PHF10: variants seen among roughly 807,000 people sequenced by gnomAD.
PHF10 encodes the protein PHD finger protein 10, also known as BRG1-associated factor 45a.
Under a neutral mutation model 68.5 loss-of-function variants are expected in PHF10, and 51 were observed. The observed-to-expected ratio is 0.74, with a 90% CI of 0.59 to 0.94. PHF10 has a LOEUF of 0.94. Among genes scored for constraint, PHF10 ranks in the 40% least tolerant of loss-of-function variants. The pLI, the probability that PHF10 is intolerant of heterozygous loss-of-function variation, is 0.00. For missense variants in PHF10, 460 were observed against 602.6 expected (o/e 0.76, Z 2.48); for synonymous variants, 204 against 203.5 (o/e 1.00, Z -0.02).
rs73039200 is a variant in PHF10, at chr6:169,710,055, T to A, written c.1113+181A>T. On this transcript the variant is annotated intron_variant, in intron 9 of 11. Coordinates refer to ENST00000339209, the MANE Select transcript of PHF10 (RefSeq NM_018288.4). ...ACAGAAGGTAAACCATAGCCAAAAG[T>A]GACAGAAAAGCCACCAAGGAAATAA... is the stretch of plus-strand genomic sequence containing the variant. 2,911 of 471,202 alleles carry A rather than the reference T, an allele frequency of 6.2e-3. 17 individuals are homozygous for A. The highest frequency in any genetic ancestry group is 6.6e-3 in the Non-Finnish European group (1,739 of 261,894). 29.2% of individuals were successfully genotyped at this position (471,202 alleles called of 1,614,324 possible). A position where few individuals can be genotyped will look rare whatever the true frequency, so the allele number is the denominator to read the frequency against.
At chr6:169,721,285 T>C (rs542966635) in intron 1 of PHF10, among the ~76,000 whole-genome samples, 174 bp from the exon 2 acceptor site, 1 of 152,352 alleles carries the variant, frequency 6.6e-6, no homozygotes, top group Admixed American at 6.5e-5. Flanking sequence ...AATTTAAAAC[T>C]GATCTTCAAT....
chr6:169,719,817 T>TA, intron 2 of PHF10, among the ~76,000 whole-genome samples: 1 of 151,682 alleles, frequency 6.6e-6, no homozygotes, highest in East Asian at 1.9e-4. Flanking sequence ...AAAGAAAAAA[T>TA]AGATGAAAAA....
At chr6:169,712,268 A>G in intron 8 of PHF10, 118 bp downstream of exon 8, 1 of 901,932 alleles carries the variant, frequency 1.1e-6, no homozygotes. Flanking sequence ...ATTGATGAAT[A>G]CTTTCTGGAA....
At position 169,724,081 on chromosome 6, in the gene PHF10, C is replaced by T. The variant is rs1238633930; in HGVS notation, c.-150G>A. The T allele has an allele frequency of 7.0e-5, 10 of 143,808 alleles. No homozygotes were observed. Among genetic ancestry groups the T allele is most frequent in the Admixed American group, 2.1e-4 (3 of 14,610 alleles). 8.9% of individuals were successfully genotyped at this position (143,808 alleles called of 1,614,324 possible). A position where few individuals can be genotyped will look rare whatever the true frequency, so the allele number is the denominator to read the frequency against. On this transcript the variant is annotated 5_prime_UTR_variant, in exon 1 of 12. Transcript: ENST00000339209. The stretch of plus-strand genomic sequence containing the variant: ...TCCGCCCGCCCGCCCGGGGGCCGGC[C>T]CCTGCCGCCGCGCGCCCCGCGGCCC...
Position 169,705,326 on chromosome 6 carries a change from A to G in PHF10, c.1223-5T>C, listed in dbSNP as rs1788744188. The G allele has an allele frequency of 1.3e-6, 2 of 1,596,614 alleles. No homozygotes were observed. Among genetic ancestry groups the G allele is most frequent in the Non-Finnish European group, 1.7e-6 (2 of 1,170,048 alleles). Reference sequence around the variant, plus strand: ...TATCCAGGCAAGAAGGATGGCCTAAATCAAAACCAGTATTAGTGGTATCTC... The same window carrying G: ...TATCCAGGCAAGAAGGATGGCCTAAGTCAAAACCAGTATTAGTGGTATCTC... On this transcript the variant is annotated splice_region_variant and splice_polypyrimidine_tract_variant and intron_variant, in intron 10 of 11. Transcript: ENST00000339209.
In PHF10 at chr6:169,703,937, T is replaced by C. The variant is rs1788646258; in HGVS notation, c.*66A>G. On this transcript the variant is annotated 3_prime_UTR_variant, in exon 12 of 12. Transcript: ENST00000339209. ...AAAAAATCTTTTATTGGCATGAAAA[T>C]AATGTTGTAAATGGCACCAAATATT... 2 of 1,273,346 alleles carry C rather than the reference T, an allele frequency of 1.6e-6. No homozygotes were observed. Among genetic ancestry groups the C allele is most frequent in the East Asian group, 5.3e-5 (2 of 37,832 alleles). The allele number at this position is 1,273,346 out of a possible 1,614,324, so 78.9% of individuals were successfully genotyped here. A position where few individuals can be genotyped will look rare whatever the true frequency, so the allele number is the denominator to read the frequency against.
rs1788802071 is a variant in PHF10 at position 169,706,722 on chromosome 6, A to G, written c.1114-998T>C. ...AAATGGGGTAAGGGGACATACATAC[A>G]TACATACACACACACACACACACAC... is the stretch of plus-strand genomic sequence containing the variant. On this transcript the variant is annotated intron_variant, in intron 9 of 11. Transcript: ENST00000339209. Among the ~76,000 whole-genome samples the G allele has an allele frequency of 4.5e-5, 4 of 89,830 alleles. No individual in the cohort carries two copies. In the South Asian group the frequency reaches 1.5e-3, roughly 34 times the overall value. 58.9% of individuals were successfully genotyped at this position (89,830 alleles called of 152,430 possible).
chr6:169,723,917 G>GGCC lies in PHF10; in HGVS notation c.12_14dup (p.Ala5dup), dbSNP rs1369674066. The GGCC allele has an allele frequency of 5.9e-5, 61 of 1,034,584 alleles. No individual in the cohort carries two copies. In the South Asian group the frequency reaches 1.3e-3, roughly 23 times the overall value. 64.1% of individuals were successfully genotyped at this position (1,034,584 alleles called of 1,614,324 possible). A position where few individuals can be genotyped will look rare whatever the true frequency, so the allele number is the denominator to read the frequency against. ...GCGGGGACAGCGCAGCCCCGGGCCC[G>GGCC]GCCGCCGCCGCCATCAGCCCGAGCG... On this transcript the variant is annotated inframe_insertion, in exon 1 of 12. Coordinates refer to ENST00000339209, the MANE Select transcript of PHF10 (RefSeq NM_018288.4).
chr6:169,704,872 A>G (rs1489879712), intron 11 of PHF10: 3 of 347,588 alleles, frequency 8.6e-6, no homozygotes, highest in African/African-American at 6.3e-5. Context: ...TTAGTATTTC[A>G]GTAGAAAAAC....
At chr6:169,723,046 C>T (rs776423591) in intron 1 of PHF10, among the ~76,000 whole-genome samples, 2 of 152,226 alleles carry the variant, frequency 1.3e-5, no homozygotes, top group Non-Finnish European at 2.9e-5. Context: ...AGGCGCAGCC[C>T]GGCTAGGCTG....
chr6:169,722,227 C>T (rs933168084), intron 1 of PHF10, among the ~76,000 whole-genome samples: 7 of 152,162 alleles, frequency 4.6e-5, no homozygotes, highest in African/African-American at 1.7e-4. Flanking sequence ...TTAACTGGTT[C>T]TTTTCCAAAT....
intron 9 of PHF10, 28 bp from the exon 10 acceptor site, chr6:169,705,752 T>C (rs1247775784): frequency 2.8e-6 from 3 of 1,080,778 alleles, no homozygotes; most frequent in Non-Finnish European, 4.3e-6. Flanking sequence ...GGCTATAAAT[T>C]CATGCCAGAA....
Position 169,723,869 on chromosome 6 carries a change from G to GGCTGGGTC in PHF10, c.55_62dup (p.Pro23GlnfsTer55). On this transcript the variant is annotated frameshift_variant, in exon 1 of 12. Transcript: ENST00000339209. LOFTEE classifies it high-confidence loss of function. ...CCTTCGGGGACTGCGCTCCGGGGGT[G>GGCTGGGTC]GCTGGGTCGCTGTCGCACGGCCGCG... The GGCTGGGTC allele has an allele frequency of 1.8e-6, 2 of 1,101,858 alleles. No homozygotes were observed. Among genetic ancestry groups the GGCTGGGTC allele is most frequent in the Non-Finnish European group, 2.2e-6 (2 of 900,248 alleles). The allele number at this position is 1,101,858 out of a possible 1,614,324, so 68.3% of individuals were successfully genotyped here.
intron 11 of PHF10, 119 bp downstream of exon 11, chr6:169,705,014 A>C: frequency 1.6e-6 from 1 of 637,558 alleles, no homozygotes; most frequent in South Asian, 2.9e-5. Flanking sequence ...AGCTTTGGTC[A>C]TATTTGCACA....
Position 169,705,236 on chromosome 6 carries a change from G to A in PHF10, c.1308C>T (p.Cys436=). 1 of 1,612,482 alleles carries A rather than the reference G, an allele frequency of 6.2e-7. No individual in the cohort carries two copies. The highest frequency in any genetic ancestry group is 1.1e-5 in the South Asian group (1 of 91,036). The change falls in exon 11 of 12, where the codon TGC becomes TGT. Residue 436 remains cysteine (C), a synonymous_variant. Transcript: ENST00000339209. ...CATGGTGGGGTTGTCCACATATAAT[G>A]CATGTTTTACATTCCATACACTGCC... ...YPWQCMECKT[C]IICGQPHHEE...
chr6:169,710,540 T>C (rs913811548), intron 8 of PHF10, 149 bp from the exon 9 acceptor site: 2 of 658,906 alleles, frequency 3.0e-6, no homozygotes, highest in Admixed American at 2.9e-5. Flanking sequence ...AGAAAGCTTT[T>C]TCCAGTGGAG....
At chr6:169,716,403 C>T (rs908500439) in intron 4 of PHF10, among the ~76,000 whole-genome samples, 4 of 151,774 alleles carry the variant, frequency 2.6e-5, no homozygotes, top group African/African-American at 7.3e-5. Context: ...AATGCACTAA[C>T]TACTAACAAG....
intron 8 of PHF10, 102 bp from the exon 9 acceptor site, chr6:169,710,493 T>G: frequency 1.2e-6 from 1 of 827,686 alleles, no homozygotes; most frequent in Non-Finnish European, 2.0e-6. Context: ...TTTTAAAGCT[T>G]TATCATTTTA....
At chr6:169,723,372 T>C (rs1024657549) in intron 1 of PHF10, among the ~76,000 whole-genome samples, 1 of 152,252 alleles carries the variant, frequency 6.6e-6, no homozygotes, top group African/African-American at 2.4e-5. Context: ...CGCTTGCGTA[T>C]TAACTTAGTT....
Sources: allele counts gnomAD v4.1 joint callset (sites outside exome capture counted in the v4.1 genomes callset), GRCh38; gene constraint gnomAD v4.1.1; transcripts MANE v1.5; gene names NCBI Gene and HGNC (gene_info 2026-07-23, HGNC 2026-07-21).